SHANK2: variants seen among roughly 807,000 people sequenced by gnomAD.
SHANK2 encodes the protein SH3 and multiple ankyrin repeat domains 2.
In SHANK2, 43 loss-of-function variants were observed where a neutral mutation model predicts 133.7. The observed-to-expected ratio is 0.32, with a 90% confidence interval of 0.25 to 0.41. SHANK2 has a LOEUF of 0.41. SHANK2 is among the 10% of genes least tolerant of loss of function. SHANK2 has a pLI of 1.00. For synonymous variants in SHANK2, 1,017 were observed against 952.8 expected (o/e 1.07, Z -1.24); for missense variants, 1,994 against 2,235.8 (o/e 0.89, Z 2.18).
intron 11 of SHANK2, among the ~76,000 whole-genome samples, chr11:70,868,027 G>A (rs565600852): frequency 2.6e-5 from 4 of 152,370 alleles, no homozygotes; most frequent in East Asian, 3.9e-4. Context: ...GGGTCCACCC[G>A]TGCTGATTAT....
At chr11:70,526,868 G>C (rs539789685) in intron 17 of SHANK2, among the ~76,000 whole-genome samples, 2 of 145,998 alleles carry the variant, frequency 1.4e-5, no homozygotes, top group African/African-American at 2.5e-5. Flanking sequence ...ATCACATCCC[G>C]GGGGAGCCCC....
In SHANK2 at chr11:70,489,359, G is replaced by A; in HGVS notation, c.2552-11C>T. 1 of 1,613,746 alleles carries A rather than the reference G, an allele frequency of 6.2e-7. No individual in the cohort carries two copies. Among genetic ancestry groups the A allele is most frequent in the Non-Finnish European group, 8.5e-7 (1 of 1,179,676 alleles). Reference sequence around the variant, plus strand: ...GAAAGATTCTGCTGTCTGACAGGAGGAAATCAGTTGTTATTAACCAGTAAC... The same window carrying A: ...GAAAGATTCTGCTGTCTGACAGGAGAAAATCAGTTGTTATTAACCAGTAAC... On this transcript the variant is annotated splice_polypyrimidine_tract_variant and intron_variant, in intron 23 of 25. Transcript: ENST00000601538.
At chr11:70,672,680 C>T (rs1944835324) in intron 15 of SHANK2, among the ~76,000 whole-genome samples, 1 of 152,250 alleles carries the variant, frequency 6.6e-6, no homozygotes, top group African/African-American at 2.4e-5. Flanking sequence ...CTCTGCTTTG[C>T]TTTCTTCTGG....
intron 9 of SHANK2, among the ~76,000 whole-genome samples, chr11:71,073,136 C>CTTTTTTTTTTTTTTT (rs1178533659): frequency 1.4e-5 from 1 of 72,336 alleles, no homozygotes; most frequent in Non-Finnish European, 3.5e-5. Flanking sequence ...TGTTTTTTTT[C>CTTTTTTTTTTTTTTT]TTTTTCTTTT....
At position 70,613,763 on chromosome 11, in the gene SHANK2, G is replaced by GTTTTTTTTTTTTTTTTTTTTTT. The variant is rs57180024; in HGVS notation, c.2061+46064_2061+46065insAAAAAAAAAAAAAAAAAAAAAA. On this transcript the variant is annotated intron_variant, in intron 17 of 25. Coordinates refer to ENST00000601538, the MANE Select transcript of SHANK2 (RefSeq NM_012309.5). ...TGTCCTTGTAAGAAGAGGGGAACTT[G>GTTTTTTTTTTTTTTTTTTTTTT]TTTTTTTTTTTTTTTCTTTGAGATG... is the stretch of plus-strand genomic sequence containing the variant. Among the ~76,000 whole-genome samples, 3 of 123,776 alleles carry GTTTTTTTTTTTTTTTTTTTTTT rather than the reference G, an allele frequency of 2.4e-5. 1 individual carries two copies. The highest frequency in any genetic ancestry group is 4.8e-5 in the Non-Finnish European group (3 of 62,990). The allele number at this position is 123,776 out of a possible 152,430, so 81.2% of individuals were successfully genotyped here.
intron 15 of SHANK2, among the ~76,000 whole-genome samples, chr11:70,690,525 G>A: frequency 2.0e-5 from 1 of 49,388 alleles, no homozygotes; most frequent in Admixed American, 3.1e-4. Flanking sequence ...TTTTTTTGGT[G>A]TCTATGCTGG....
chr11:71,160,356 A>T (rs1158491008), intron 2 of SHANK2, among the ~76,000 whole-genome samples: 1 of 152,190 alleles, frequency 6.6e-6, no homozygotes, highest in African/African-American at 2.4e-5. Context: ...ATGTGATGGT[A>T]TTTGGAGGTA....
intron 15 of SHANK2, among the ~76,000 whole-genome samples, chr11:70,682,206 A>G (rs914901178): frequency 9.9e-5 from 15 of 152,272 alleles, no homozygotes; most frequent in African/African-American, 3.4e-4. Flanking sequence ...TGAACTGGAA[A>G]TATTTGAGCC....
At chr11:71,234,617 T>A (rs1360574387) in intron 1 of SHANK2, among the ~76,000 whole-genome samples, 1 of 152,098 alleles carries the variant, frequency 6.6e-6, no homozygotes, top group Admixed American at 6.5e-5. Context: ...CTCGGTCCCC[T>A]TTTCTGGAAG....
intron 2 of SHANK2, among the ~76,000 whole-genome samples, chr11:71,154,091 T>C (rs1555108611): frequency 1.3e-5 from 2 of 152,230 alleles, no homozygotes; most frequent in African/African-American, 4.8e-5. Context: ...ACACCCTGTA[T>C]GTGAATCACA....
At chr11:70,509,768 T>C (rs1022602583) in intron 17 of SHANK2, among the ~76,000 whole-genome samples, 2 of 152,210 alleles carry the variant, frequency 1.3e-5, no homozygotes, top group African/African-American at 4.8e-5. Context: ...ATGGGATTAG[T>C]GCCCTTATAA....
chr11:70,873,631 G>C (rs997254112), intron 11 of SHANK2, among the ~76,000 whole-genome samples: 5 of 152,232 alleles, frequency 3.3e-5, no homozygotes, highest in Admixed American at 3.3e-4. Context: ...CTGCAAAGAT[G>C]GCAGCACAGG....
intron 13 of SHANK2, among the ~76,000 whole-genome samples, chr11:70,802,439 C>T (rs1431639316): frequency 6.6e-6 from 1 of 152,168 alleles, no homozygotes. Flanking sequence ...TCCACCTTCT[C>T]CCCCTTGACC....
At chr11:70,614,503 G>A (rs1036621895) in intron 17 of SHANK2, among the ~76,000 whole-genome samples, 6 of 152,072 alleles carry the variant, frequency 3.9e-5, no homozygotes, top group South Asian at 2.1e-4. Context: ...AGTAGAGATG[G>A]TGTTTCACCA....
intron 17 of SHANK2, among the ~76,000 whole-genome samples, chr11:70,527,673 T>G (rs1320709359): frequency 6.6e-6 from 1 of 152,132 alleles, no homozygotes; most frequent in Non-Finnish European, 1.5e-5. Context: ...CCCCCAAATC[T>G]CTCTGGCCAT....
chr11:70,785,983 C>G (rs1555046376), intron 14 of SHANK2, among the ~76,000 whole-genome samples: 1 of 152,120 alleles, frequency 6.6e-6, no homozygotes, highest in Non-Finnish European at 1.5e-5. Flanking sequence ...GGTGTCCTAC[C>G]TGCTATGCAC....
intron 4 of SHANK2, among the ~76,000 whole-genome samples, chr11:71,114,705 G>A (rs189425691): frequency 1.1e-3 from 165 of 152,232 alleles, no homozygotes; most frequent in Middle Eastern, 3.4e-3. Context: ...TCTGATTCTA[G>A]ATTTCAGGAC....
intron 15 of SHANK2, among the ~76,000 whole-genome samples, chr11:70,697,215 G>A (rs562631049): frequency 6.6e-6 from 1 of 152,350 alleles, no homozygotes; most frequent in East Asian, 1.9e-4. Flanking sequence ...CACTGTGAAT[G>A]TTCTTAATAC....
chr11:71,108,176 C>T (rs553370427), intron 6 of SHANK2, among the ~76,000 whole-genome samples: 2 of 152,336 alleles, frequency 1.3e-5, no homozygotes, highest in African/African-American at 4.8e-5. Flanking sequence ...CACAGCCTCA[C>T]ATGGAAAGGG....
Sources: gnomAD v4.1 joint callset for allele counts (sites outside exome capture counted in the v4.1 genomes callset) on GRCh38, gnomAD v4.1.1 for gene constraint, MANE v1.5 for transcripts, NCBI Gene and HGNC (gene_info 2026-07-23, HGNC 2026-07-21) for gene names.